Variants in TASP1 observed in about 807,000 individuals in gnomAD.
TASP1 encodes the protein threonine aspartase 1.
A neutral mutation model predicts 56.6 loss-of-function variants in TASP1; 16 were observed. The observed-to-expected ratio is 0.28, with a 90% CI of 0.19 to 0.43. TASP1 has a LOEUF of 0.43. TASP1 is among the 20% of genes least tolerant of loss of function. The pLI, the probability that TASP1 is intolerant of heterozygous loss-of-function variation, is 1.00. For missense variants in TASP1, 393 were observed against 511.6 expected (o/e 0.77, Z 2.24); for synonymous variants, 179 against 184.2 (o/e 0.97, Z 0.23).
At chr20:13,260,004 C>T in the TASP1 span, among the ~76,000 whole-genome samples, 1 of 152,220 alleles carries the variant, frequency 6.6e-6, no homozygotes. Context: ...ATAGAGCTAA[C>T]AGCCCAGCTT....
chr20:13,414,671 C>T (rs2042196725), intron 13 of TASP1, among the ~76,000 whole-genome samples: 1 of 152,130 alleles, frequency 6.6e-6, no homozygotes, highest in Admixed American at 6.6e-5. Context: ...TAACTGTCTG[C>T]TATCTGGGTA....
At chr20:13,324,875 C>A in the TASP1 span, among the ~76,000 whole-genome samples, 3 of 151,952 alleles carry the variant, frequency 2.0e-5, no homozygotes, top group East Asian at 5.8e-4. Context: ...AAAATTAAAC[C>A]CCAGGAAGGC....
chr20:13,512,988 T>C (rs2044393049), intron 10 of TASP1, among the ~76,000 whole-genome samples: 1 of 152,256 alleles, frequency 6.6e-6, no homozygotes, highest in East Asian at 1.9e-4. Flanking sequence ...AGTACCATGC[T>C]GTTTTGGTTA....
At chr20:13,396,112 T>C (rs2041526214) in intron 13 of TASP1, among the ~76,000 whole-genome samples, 1 of 152,130 alleles carries the variant, frequency 6.6e-6, no homozygotes, top group Non-Finnish European at 1.5e-5. Flanking sequence ...TATTGCCTTG[T>C]TTCTATTGTG....
chr20:13,554,374 G>T (rs2046083087), intron 8 of TASP1, among the ~76,000 whole-genome samples: 1 of 151,120 alleles, frequency 6.6e-6, no homozygotes, highest in African/African-American at 2.4e-5. Context: ...CTAATCAAAT[G>T]TAAGTATAAA....
intron 11 of TASP1, among the ~76,000 whole-genome samples, chr20:13,481,226 C>T (rs948832773): frequency 1.3e-5 from 2 of 152,106 alleles, no homozygotes; most frequent in Non-Finnish European, 2.9e-5. Flanking sequence ...TCCCCCAGTT[C>T]CATCCATGTT....
the TASP1 span, among the ~76,000 whole-genome samples, chr20:13,284,941 T>G: frequency 1.0e-3 from 157 of 152,260 alleles, 2 homozygotes; most frequent in Non-Finnish European, 2.2e-4. Flanking sequence ...GAGAGTATAT[T>G]TTAGGGAGGA....
intron 11 of TASP1, among the ~76,000 whole-genome samples, chr20:13,462,658 C>G (rs1165993914): frequency 2.6e-5 from 4 of 152,168 alleles, no homozygotes; most frequent in South Asian, 4.1e-4. Context: ...TACATACTAA[C>G]AGTGAACAAT....
the TASP1 span, among the ~76,000 whole-genome samples, chr20:13,351,825 C>G: frequency 6.6e-6 from 1 of 152,140 alleles, no homozygotes; most frequent in Admixed American, 6.5e-5. Flanking sequence ...CACCATAGAA[C>G]AGTGCTATTT....
At chr20:13,527,533 T>C (rs1404618064) in intron 10 of TASP1, among the ~76,000 whole-genome samples, 1 of 152,066 alleles carries the variant, frequency 6.6e-6, no homozygotes, top group East Asian at 1.9e-4. Context: ...ACAGGCATGA[T>C]TAAAGTATGG....
intron 11 of TASP1, among the ~76,000 whole-genome samples, chr20:13,443,857 A>C (rs571401099): frequency 3.5e-4 from 54 of 152,304 alleles, no homozygotes; most frequent in African/African-American, 1.3e-3. Context: ...TAAGAGGAAA[A>C]AAACCAAAGG....
At chr20:13,327,850 A>G in the TASP1 span, among the ~76,000 whole-genome samples, 1 of 152,188 alleles carries the variant, frequency 6.6e-6, no homozygotes, top group African/African-American at 2.4e-5. Context: ...AACTATAAAA[A>G]TCCTAGAAGA....
chr20:13,258,466 C>G, the TASP1 span, among the ~76,000 whole-genome samples: 1 of 152,144 alleles, frequency 6.6e-6, no homozygotes, highest in Non-Finnish European at 1.5e-5. Context: ...TTATTAAGCT[C>G]TCCTTAGTTA....
intron 11 of TASP1, among the ~76,000 whole-genome samples, chr20:13,468,628 A>G (rs1437267965): frequency 2.0e-5 from 3 of 152,180 alleles, no homozygotes; most frequent in Non-Finnish European, 2.9e-5. Flanking sequence ...CAGACTAATT[A>G]GTCAATATAC....
At chr20:13,625,305 T>C in intron 2 of TASP1, 53 bp from the exon 3 acceptor site, 9 of 1,450,664 alleles carry the variant, frequency 6.2e-6, no homozygotes, top group Non-Finnish European at 8.6e-6. Context: ...GAGACCTTGC[T>C]TATGTTATAT....
At chr20:13,148,738 C>T in the TASP1 span, among the ~76,000 whole-genome samples, 1 of 152,204 alleles carries the variant, frequency 6.6e-6, no homozygotes, top group African/African-American at 2.4e-5. Context: ...AAAACCAAAA[C>T]TTATGCCAGG....
At chr20:13,336,539 C>T in the TASP1 span, among the ~76,000 whole-genome samples, 1 of 152,272 alleles carries the variant, frequency 6.6e-6, no homozygotes, top group East Asian at 1.9e-4. Flanking sequence ...AAGGTCTACA[C>T]TCACCCCTCA....
chr20:13,147,689 T>G, the TASP1 span, among the ~76,000 whole-genome samples: 1 of 152,184 alleles, frequency 6.6e-6, no homozygotes, highest in Non-Finnish European at 1.5e-5. Context: ...TGAGAAATGT[T>G]TTATGGAATG....
chr20:13,630,863 G>C (rs763820846), intron 1 of TASP1, among the ~76,000 whole-genome samples: 6 of 151,906 alleles, frequency 3.9e-5, no homozygotes, highest in Non-Finnish European at 8.8e-5. Flanking sequence ...ATTCATGTTA[G>C]TTGCTTTATA....
Sources: gnomAD v4.1 joint callset for allele counts (sites outside exome capture counted in the v4.1 genomes callset) on GRCh38, gnomAD v4.1.1 for gene constraint, MANE v1.5 for transcripts, NCBI Gene and HGNC (gene_info 2026-07-23, HGNC 2026-07-21) for gene names.